TBC1D5: variants seen among roughly 807,000 people sequenced by gnomAD.
TBC1D5 encodes the protein TBC1 domain family member 5.
A neutral mutation model predicts 100.3 loss-of-function variants in TBC1D5; 75 were observed. The ratio of observed to expected loss-of-function variants is 0.75; its 90% CI spans 0.62 to 0.91. The LOEUF (loss-of-function observed/expected upper bound fraction) is 0.91, where lower values mean the gene tolerates loss of function less well. Among genes scored for constraint, TBC1D5 ranks in the 40% least tolerant of loss-of-function variants. The pLI, the probability that TBC1D5 is intolerant of heterozygous loss-of-function variation, is 0.00. For synonymous variants in TBC1D5, 323 were observed against 325.6 expected (o/e 0.99, Z 0.09); for missense variants, 910 against 942.4 (o/e 0.97, Z 0.45).
At chr3:17,273,901 GGCTTACA>G (rs2149736632) in intron 15 of TBC1D5, among the ~76,000 whole-genome samples, 1 of 151,096 alleles carries the variant, frequency 6.6e-6, no homozygotes, top group South Asian at 2.1e-4. Context: ...AATTGTTCAT[GGCTTACA>G]GCTAATTACC....
At chr3:17,192,128 C>A (rs1428304402) in intron 18 of TBC1D5, among the ~76,000 whole-genome samples, 1 of 151,752 alleles carries the variant, frequency 6.6e-6, no homozygotes, top group Non-Finnish European at 1.5e-5. Context: ...GTGATTTTTT[C>A]TCTCCTTTTT....
chr3:17,258,773 A>C (rs914768748), intron 15 of TBC1D5, among the ~76,000 whole-genome samples, 182 bp from the exon 16 acceptor site: 3 of 152,214 alleles, frequency 2.0e-5, no homozygotes, highest in Non-Finnish European at 2.9e-5. Context: ...TAAACACAAA[A>C]ATTATTTATT....
At chr3:17,292,057 G>T in intron 14 of TBC1D5, 56 bp from the exon 15 acceptor site, 1 of 1,406,914 alleles carries the variant, frequency 7.1e-7, no homozygotes, top group Non-Finnish European at 9.9e-7. Context: ...ATTCTGCATT[G>T]CTGAGAATAT....
intron 21 of TBC1D5, among the ~76,000 whole-genome samples, chr3:17,162,806 G>T (rs533901071): frequency 6.6e-6 from 1 of 152,296 alleles, no homozygotes; most frequent in South Asian, 2.1e-4. Flanking sequence ...CCTTTGGGGA[G>T]TGCATTGAAA....
At chr3:17,285,009 A>C (rs566375817) in intron 15 of TBC1D5, among the ~76,000 whole-genome samples, 9 of 152,264 alleles carry the variant, frequency 5.9e-5, no homozygotes, top group African/African-American at 1.7e-4. Flanking sequence ...TAAACACAAA[A>C]AAATAATTTG....
At chr3:17,338,813 T>TA (rs566685763) in intron 13 of TBC1D5, among the ~76,000 whole-genome samples, 28 of 152,178 alleles carry the variant, frequency 1.8e-4, no homozygotes, top group Non-Finnish European at 3.8e-4. Flanking sequence ...TTAACTAAAT[T>TA]AGCTAAAAGG....
intron 1 of TBC1D5, among the ~76,000 whole-genome samples, chr3:17,711,130 G>C (rs952560018): frequency 6.6e-6 from 1 of 152,114 alleles, no homozygotes; most frequent in Non-Finnish European, 1.5e-5. Flanking sequence ...TGGCGCCTGA[G>C]ATGGTCGTAT....
intron 19 of TBC1D5, among the ~76,000 whole-genome samples, chr3:17,172,578 A>G (rs2470584): frequency 0.27 from 41,304 of 152,080 alleles, 5,954 homozygotes; most frequent in Middle Eastern, 0.35. Context: ...ACATATTATA[A>G]ATGTTGGAGC....
At chr3:17,205,947 A>G (rs2072119852) in intron 18 of TBC1D5, among the ~76,000 whole-genome samples, 3 of 152,204 alleles carry the variant, frequency 2.0e-5, no homozygotes, top group African/African-American at 7.2e-5. Context: ...ATGTGAAATA[A>G]TAAACAACAA....
At chr3:17,606,772 T>C (rs1256211026) in intron 2 of TBC1D5, among the ~76,000 whole-genome samples, 4 of 152,110 alleles carry the variant, frequency 2.6e-5, no homozygotes, top group Admixed American at 2.0e-4. Flanking sequence ...AAAGAGGTCA[T>C]TTCTATACTG....
At chr3:17,625,335 G>C (rs1382772618) in intron 1 of TBC1D5, among the ~76,000 whole-genome samples, 2 of 152,022 alleles carry the variant, frequency 1.3e-5, no homozygotes, top group African/African-American at 4.8e-5. Flanking sequence ...GTGTCCTTGT[G>C]CTTATAATTA....
intron 2 of TBC1D5, among the ~76,000 whole-genome samples, chr3:17,534,051 G>C (rs2096260302): frequency 6.6e-6 from 1 of 152,100 alleles, no homozygotes; most frequent in Non-Finnish European, 1.5e-5. Flanking sequence ...AGGAGAAGCA[G>C]ATGGAAGAGT....
chr3:17,166,990 C>A, intron 20 of TBC1D5, 62 bp from the exon 22 acceptor site: 3 of 1,464,082 alleles, frequency 2.0e-6, no homozygotes, highest in Non-Finnish European at 1.8e-6. Context: ...CAGATGCTAG[C>A]TAAATCTCTC....
At chr3:17,312,096 C>A (rs1027116721) in intron 13 of TBC1D5, among the ~76,000 whole-genome samples, 1 of 151,902 alleles carries the variant, frequency 6.6e-6, no homozygotes, top group Non-Finnish European at 1.5e-5. Context: ...GTATTCAGTT[C>A]TTTTGAAATT....
At chr3:17,340,648 G>C (rs1362209108) in intron 13 of TBC1D5, 1 of 152,214 alleles carries the variant, frequency 6.6e-6, no homozygotes, top group East Asian at 1.9e-4. Context: ...TTAGGAAACT[G>C]ACTTACAAGT....
rs1026191099 is a variant in TBC1D5 at position 17,344,762 on chromosome 3, A to G, written c.995+27313T>C. ...GAACAGAGCCCTCAGAAATAACGCC[A>G]CATATCTACAACTATCTGATCTTTG... On this transcript the variant is annotated intron_variant, in intron 13 of 21. Coordinates refer to ENST00000253692, the Ensembl canonical transcript of TBC1D5. Among the ~76,000 whole-genome samples the G allele has an allele frequency of 2.0e-4, 31 of 152,280 alleles. No homozygotes were observed. The South Asian group carries it at 5.0e-3, about 24-fold the overall frequency.
intron 8 of TBC1D5, among the ~76,000 whole-genome samples, chr3:17,393,296 A>G (rs1441534878): frequency 6.6e-6 from 1 of 152,102 alleles, no homozygotes; most frequent in Non-Finnish European, 1.5e-5. Context: ...AAGGAGAACT[A>G]CAAACCACTG....
chr3:17,335,165 AC>A (rs1160260732), intron 13 of TBC1D5, among the ~76,000 whole-genome samples: 1 of 152,142 alleles, frequency 6.6e-6, no homozygotes, highest in Non-Finnish European at 1.5e-5. Flanking sequence ...ACATATCTTA[AC>A]AAGTTATGGT....
At position 17,470,965 on chromosome 3, in the gene TBC1D5, G is replaced by A. The variant is rs74486738; in HGVS notation, c.97+37509C>T. ...TGACATGAACTTCTGCAAGGAAAAC[G>A]GCTTATGATTTTCCCTCCCCAGCAC... On this transcript the variant is annotated intron_variant, in intron 3 of 21. Transcript: ENST00000253692. Among the ~76,000 whole-genome samples the A allele has an allele frequency of 5.3e-3, 812 of 152,166 alleles. 12 individuals are homozygous for A. Among genetic ancestry groups the A allele is most frequent in the African/African-American group, 0.019 (781 of 41,506 alleles).
Sources: gnomAD v4.1 joint callset for allele counts (sites outside exome capture counted in the v4.1 genomes callset) on GRCh38, gnomAD v4.1.1 for gene constraint, MANE v1.5 for transcripts, NCBI Gene and HGNC (gene_info 2026-07-23, HGNC 2026-07-21) for gene names.